TYW1B: variants seen among roughly 807,000 people sequenced by gnomAD.
TYW1B encodes tRNA-yW synthesizing protein 1 homolog B.
In TYW1B, 73 loss-of-function variants were observed where a neutral mutation model predicts 86.9. The ratio of observed to expected loss-of-function variants is 0.84; its 90% CI spans 0.70 to 1.02. The LOEUF is 1.02. Among genes scored for constraint, TYW1B ranks in the 50% least tolerant of loss-of-function variants. The pLI is 0.00. For synonymous variants in TYW1B, 248 were observed against 292.8 expected (o/e 0.85, Z 1.56); for missense variants, 637 against 827.4 (o/e 0.77, Z 2.82).
chr7:72,716,700 A>G (rs4717676), intron 9 of TYW1B, among the ~76,000 whole-genome samples: 408 of 150,948 alleles, frequency 2.7e-3, no homozygotes, highest in African/African-American at 9.0e-3. Flanking sequence ...GTGCAATGGC[A>G]TGATCTCAGC....
At chr7:72,581,561 T>C (rs1811152359) in intron 13 of TYW1B, among the ~76,000 whole-genome samples, 1 of 151,774 alleles carries the variant, frequency 6.6e-6, no homozygotes, top group Non-Finnish European at 1.5e-5. Flanking sequence ...CGGGTTCACG[T>C]GATTCTCCTG....
intron 12 of TYW1B, among the ~76,000 whole-genome samples, chr7:72,624,061 A>T (rs1554438389): frequency 1.3e-5 from 2 of 152,196 alleles, no homozygotes; most frequent in African/African-American, 4.8e-5. Context: ...TCGGCCTCCC[A>T]AAGTGCTGGG....
At chr7:72,724,291 G>C (rs1482854282) in intron 9 of TYW1B, among the ~76,000 whole-genome samples, 1 of 152,086 alleles carries the variant, frequency 6.6e-6, no homozygotes, top group Non-Finnish European at 1.5e-5. Flanking sequence ...GGGCAATATA[G>C]GGAGAACCCA....
At chr7:72,827,869 T>C (rs797039793) in intron 1 of TYW1B, among the ~76,000 whole-genome samples, 1 of 152,222 alleles carries the variant, frequency 6.6e-6, no homozygotes, top group South Asian at 2.1e-4. Context: ...GTTTTCTGTC[T>C]AACCCCCTAG....
chr7:72,673,960 T>A lies in TYW1B; in HGVS notation c.1506+20727A>T, dbSNP rs1228176366. Among the ~76,000 whole-genome samples the A allele has an allele frequency of 1.3e-4, 20 of 152,014 alleles. 1 individual carries two copies. Among genetic ancestry groups the A allele is most frequent in the South Asian group, 8.3e-4 (4 of 4,810 alleles). On this transcript the variant is annotated intron_variant, in intron 11 of 13. Transcript: ENST00000620995. ...CTCCTTCATAGAGTTATTATTTTTTTAAAAAGGTAATTTCTGGTCTAGAGA... is the reference window on the plus strand; with the variant it reads ...CTCCTTCATAGAGTTATTATTTTTTAAAAAAGGTAATTTCTGGTCTAGAGA...
chr7:72,739,632 G>A (rs1787267525), intron 8 of TYW1B, among the ~76,000 whole-genome samples: 1 of 149,740 alleles, frequency 6.7e-6, no homozygotes, highest in African/African-American at 2.5e-5. Context: ...AGTGGGTAGA[G>A]GGGTTAACAA....
intron 11 of TYW1B, among the ~76,000 whole-genome samples, chr7:72,650,257 T>C (rs1234530118): frequency 6.6e-5 from 10 of 151,960 alleles, no homozygotes; most frequent in East Asian, 1.9e-4. Flanking sequence ...GTGCCGAAGC[T>C]TGGTCTTGCA....
intron 13 of TYW1B, among the ~76,000 whole-genome samples, chr7:72,595,608 C>T (rs1554432415): frequency 2.0e-5 from 3 of 152,034 alleles, no homozygotes; most frequent in Non-Finnish European, 4.4e-5. Flanking sequence ...TCTTGAGTCT[C>T]AGAGGTGGAA....
At chr7:72,769,084 T>C (rs1554469083) in intron 7 of TYW1B, 2 of 378,810 alleles carry the variant, frequency 5.3e-6, no homozygotes. Flanking sequence ...GAGGCTAGTC[T>C]GTGGGATGGG....
chr7:72,757,574 C>CATAT (rs1787614609), intron 7 of TYW1B, among the ~76,000 whole-genome samples: 1 of 152,064 alleles, frequency 6.6e-6, no homozygotes, highest in Admixed American at 6.6e-5. Flanking sequence ...TAGGCCTGCC[C>CATAT]ATATGATGGA....
At chr7:72,640,803 A>G (rs1335097486) in intron 11 of TYW1B, among the ~76,000 whole-genome samples, 2 of 152,174 alleles carry the variant, frequency 1.3e-5, no homozygotes, top group African/African-American at 2.4e-5. Context: ...ACTAACAATT[A>G]AAGACAAAGG....
intron 10 of TYW1B, among the ~76,000 whole-genome samples, chr7:72,710,344 C>T (rs1270974693): frequency 6.6e-6 from 1 of 152,154 alleles, no homozygotes; most frequent in African/African-American, 2.4e-5. Flanking sequence ...TAAAACCCAA[C>T]TAAAGTTTAA....
At chr7:72,717,555 A>G (rs1420449884) in intron 9 of TYW1B, among the ~76,000 whole-genome samples, 1 of 152,080 alleles carries the variant, frequency 6.6e-6, no homozygotes, top group African/African-American at 2.4e-5. Context: ...TGGATCTCCT[A>G]GTTCAGAGCT....
At chr7:72,629,819 A>G (rs1277761804) in intron 11 of TYW1B, among the ~76,000 whole-genome samples, 2 of 152,030 alleles carry the variant, frequency 1.3e-5, no homozygotes, top group African/African-American at 4.8e-5. Flanking sequence ...AAGGGCTGGG[A>G]TTATAGGCGC....
At chr7:72,825,071 C>G (rs1554481197) in intron 2 of TYW1B, among the ~76,000 whole-genome samples, 1 of 150,610 alleles carries the variant, frequency 6.6e-6, no homozygotes, top group East Asian at 2.0e-4. Flanking sequence ...CAACTGCACT[C>G]CAGCCTGGGC....
chr7:72,723,224 C>A (rs1472123176), intron 9 of TYW1B: 2 of 358,756 alleles, frequency 5.6e-6, no homozygotes, highest in South Asian at 1.3e-4. Context: ...TTCCCCTGGT[C>A]CCCTGTCCCT....
intron 3 of TYW1B, among the ~76,000 whole-genome samples, chr7:72,811,067 C>G (rs1166928755): frequency 2.0e-5 from 3 of 151,622 alleles, no homozygotes; most frequent in Admixed American, 1.3e-4. Flanking sequence ...GTCAGGAGAT[C>G]GAGACCATCC....
rs1316870147 is a variant in TYW1B, at chr7:72,630,336, G to A, written c.1507-1339C>T. Among the ~76,000 whole-genome samples the A allele has an allele frequency of 2.0e-5, 3 of 152,204 alleles. No homozygotes were observed. The East Asian group carries it at 5.8e-4, about 29-fold the overall frequency. ...ATCTAAAGTGAGACCCACCCCTTGA[G>A]TAGGTGCAGGACCTGTGACTTGCCT... is the stretch of plus-strand genomic sequence containing the variant. On this transcript the variant is annotated intron_variant, in intron 11 of 13. Transcript: ENST00000620995.
chr7:72,758,088 C>T lies in TYW1B; in HGVS notation c.965-13487G>A, dbSNP rs145528840. Among the ~76,000 whole-genome samples the T allele has an allele frequency of 5.5e-4, 84 of 152,180 alleles. No individual in the cohort carries two copies. In the East Asian group the frequency reaches 0.014, roughly 26 times the overall value. On this transcript the variant is annotated intron_variant, in intron 7 of 13. Transcript: ENST00000620995. ...CAAAAAAATTAGCCAGTCGTGGTGG[C>T]GTGCGCCTGTAATCCCAGTTACTAG... is the stretch of plus-strand genomic sequence containing the variant.
Sources: allele counts gnomAD v4.1 joint callset (sites outside exome capture counted in the v4.1 genomes callset), GRCh38; gene constraint gnomAD v4.1.1; transcripts MANE v1.5; gene names NCBI Gene and HGNC (gene_info 2026-07-23, HGNC 2026-07-21).